Variants in HSDL2 observed in about 807,000 individuals in gnomAD.
HSDL2 encodes hydroxysteroid dehydrogenase-like protein 2.
Under a neutral mutation model 46.3 loss-of-function variants are expected in HSDL2, and 27 were observed. The ratio of observed to expected loss-of-function variants is 0.58; its 90% CI spans 0.43 to 0.80. The LOEUF is 0.80. HSDL2 is among the 30% of genes least tolerant of loss of function. The pLI is 0.00. For synonymous variants in HSDL2, 153 were observed against 163.6 expected (o/e 0.94, Z 0.50); for missense variants, 451 against 502.7 (o/e 0.90, Z 0.98).
At chr9:112,412,534 C>T (rs555122978) in intron 4 of HSDL2, among the ~76,000 whole-genome samples, 3 of 152,134 alleles carry the variant, frequency 2.0e-5, no homozygotes, top group Non-Finnish European at 4.4e-5. Flanking sequence ...TAAAAATATA[C>T]GTTTTCTTTC....
chr9:112,465,774 T>C (rs1230965207), intron 10 of HSDL2, among the ~76,000 whole-genome samples: 1 of 152,228 alleles, frequency 6.6e-6, no homozygotes, highest in Admixed American at 6.5e-5. Flanking sequence ...ATTATATGGA[T>C]TTACCACAAT....
At chr9:112,456,768 T>C (rs1270126702) in intron 9 of HSDL2, among the ~76,000 whole-genome samples, 2 of 152,110 alleles carry the variant, frequency 1.3e-5, no homozygotes, top group Non-Finnish European at 2.9e-5. Context: ...TCCCAGGAAA[T>C]GGTTTTTTTG....
intron 8 of HSDL2, among the ~76,000 whole-genome samples, chr9:112,443,101 A>G (rs1336025785): frequency 6.6e-6 from 1 of 152,204 alleles, no homozygotes; most frequent in South Asian, 2.1e-4. Flanking sequence ...GAGCTTATCA[A>G]ACTCTAGAAG....
At position 112,416,885 on chromosome 9, in the gene HSDL2, A is replaced by T; in HGVS notation, c.440A>T (p.His147Leu). 1 of 1,606,328 alleles carries T rather than the reference A, an allele frequency of 6.2e-7. No individual in the cohort carries two copies. The highest frequency in any genetic ancestry group is 8.5e-7 in the Non-Finnish European group (1 of 1,173,104). ...IPYLKKSKVA[H>L]ILNISPPLNL... Reference sequence around the variant, plus strand: ...TATTTGAAAAAGAGCAAAGTTGCTCATATCCTCAATATCAGTCCACCACTG... The same window carrying T: ...TATTTGAAAAAGAGCAAAGTTGCTCTTATCCTCAATATCAGTCCACCACTG... The change falls in exon 5 of 11, where the codon CAT (histidine) becomes CTT (leucine). Residue 147 changes from histidine to leucine, a missense_variant. By Grantham distance (99) the His-to-Leu change is moderately conservative. Coordinates refer to ENST00000398805, the MANE Select transcript of HSDL2 (RefSeq NM_032303.5).
chr9:112,430,869 A>C (rs1313516272), intron 6 of HSDL2, among the ~76,000 whole-genome samples: 3 of 151,986 alleles, frequency 2.0e-5, no homozygotes, highest in Non-Finnish European at 4.4e-5. Flanking sequence ...CCTGGCCAAC[A>C]TGGTGAAACC....
rs143527726 is a variant in HSDL2 at position 112,443,545 on chromosome 9, T to A, written c.865+1775T>A. 1.9e-3 allele frequency among the ~76,000 whole-genome samples: 285 copies of A among 152,290 alleles called. 7 individuals carry two copies. The highest frequency in any genetic ancestry group is 6.6e-3 in the African/African-American group (275 of 41,574). ...TAGCATATTCTTAGTCTGGGCAACATGGTGAGACCCTGTCTCTACAAAAAA... is the reference window on the plus strand; with the variant it reads ...TAGCATATTCTTAGTCTGGGCAACAAGGTGAGACCCTGTCTCTACAAAAAA... On this transcript the variant is annotated intron_variant, in intron 8 of 10. Transcript: ENST00000398805.
intron 9 of HSDL2, among the ~76,000 whole-genome samples, chr9:112,458,763 C>T (rs768267233): frequency 6.6e-6 from 1 of 150,546 alleles, no homozygotes; most frequent in Non-Finnish European, 1.5e-5. Context: ...GGGCAGATCA[C>T]GAGGTCAGGA....
chr9:112,393,810 C>T (rs1292402420), intron 1 of HSDL2, among the ~76,000 whole-genome samples: 1 of 152,188 alleles, frequency 6.6e-6, no homozygotes, highest in Non-Finnish European at 1.5e-5. Context: ...AACACAAGTG[C>T]ATAAATGACA....
intron 4 of HSDL2, among the ~76,000 whole-genome samples, chr9:112,413,448 A>C (rs1454427246): frequency 6.6e-6 from 1 of 152,114 alleles, no homozygotes; most frequent in Admixed American, 6.6e-5. Context: ...TTGCACTCCA[A>C]GAGTGCAACG....
intron 1 of HSDL2, among the ~76,000 whole-genome samples, chr9:112,387,759 G>T (rs1056354232): frequency 6.6e-6 from 1 of 152,160 alleles, no homozygotes; most frequent in East Asian, 1.9e-4. Context: ...ACGGATGGAC[G>T]TTGTATGCTG....
chr9:112,437,133 T>C (rs1424352078), intron 6 of HSDL2, among the ~76,000 whole-genome samples: 4 of 151,940 alleles, frequency 2.6e-5, no homozygotes. Context: ...CTAATTTTTG[T>C]ATTTTTAGTA....
chr9:112,402,960 C>A (rs191960061), intron 1 of HSDL2, among the ~76,000 whole-genome samples: 1,873 of 151,394 alleles, frequency 0.012, 46 homozygotes, highest in African/African-American at 0.042. Flanking sequence ...AAAAAAAACA[C>A]ACACACACAC....
chr9:112,425,443 T>G (rs1310867920), intron 6 of HSDL2, among the ~76,000 whole-genome samples: 1 of 152,194 alleles, frequency 6.6e-6, no homozygotes, highest in Non-Finnish European at 1.5e-5. Flanking sequence ...TTTACAAATT[T>G]TGTTAGGGCA....
chr9:112,400,028 A>G (rs1332748237), intron 1 of HSDL2, among the ~76,000 whole-genome samples: 1 of 152,234 alleles, frequency 6.6e-6, no homozygotes, highest in Non-Finnish European at 1.5e-5. Context: ...ATAAATATCC[A>G]TGAAATTTTC....
At position 112,404,100 on chromosome 9, in the gene HSDL2, A is replaced by T; in HGVS notation, c.123A>T (p.Ala41=). ...ATGGAGCAAATATTGTTATTGCTGC[A>T]AAGACCGCCCAGCCACATCCAAAAC... ...AKDGANIVIA[A]KTAQPHPKLL... The change falls in exon 2 of 11, where the codon GCA becomes GCT. Residue 41 remains alanine, a synonymous_variant. Transcript: ENST00000398805. The T allele has an allele frequency of 6.2e-7, 1 of 1,614,216 alleles. No individual in the cohort carries two copies.
chr9:112,437,874 A>G (rs112773233), intron 6 of HSDL2, among the ~76,000 whole-genome samples: 2,227 of 152,308 alleles, frequency 0.015, 26 homozygotes, highest in Non-Finnish European at 0.022. Context: ...TTTGAGTCTT[A>G]TGGTTTGGTC....
chr9:112,460,071 A>G (rs1414214045), intron 10 of HSDL2, among the ~76,000 whole-genome samples: 1 of 152,158 alleles, frequency 6.6e-6, no homozygotes, highest in Non-Finnish European at 1.5e-5. Context: ...GTGATTTTCT[A>G]TTCTGTCCAT....
rs139178151 is a variant in HSDL2 at position 112,450,358 on chromosome 9, C to T, written c.866-3655C>T. Among the ~76,000 whole-genome samples the T allele has an allele frequency of 3.5e-3, 522 of 150,882 alleles. 4 individuals are homozygous for T. Among genetic ancestry groups the T allele is most frequent in the African/African-American group, 0.012 (481 of 41,016 alleles). On this transcript the variant is annotated intron_variant, in intron 8 of 10. Coordinates refer to ENST00000398805, the MANE Select transcript of HSDL2 (RefSeq NM_032303.5). ...AAAAAGCATAGAACAGGCCAGGTGC[C>T]GTGGCTCATGCCTGTAATCCCAGCA... is the stretch of plus-strand genomic sequence containing the variant.
At chr9:112,395,753 TTAC>T (rs1452132264) in intron 1 of HSDL2, among the ~76,000 whole-genome samples, 1 of 152,226 alleles carries the variant, frequency 6.6e-6, no homozygotes, top group Non-Finnish European at 1.5e-5. Flanking sequence ...CTTAAAGCAG[TTAC>T]CATCCTCCAC....
Sources: allele counts gnomAD v4.1 joint callset (sites outside exome capture counted in the v4.1 genomes callset), GRCh38; gene constraint gnomAD v4.1.1; transcripts MANE v1.5; gene names NCBI Gene and HGNC (gene_info 2026-07-23, HGNC 2026-07-21).